Variants in WWOX observed in about 807,000 individuals in gnomAD.
The protein encoded by WWOX is WW domain-containing oxidoreductase.
WWOX carries 69 observed loss-of-function variants against 46.2 expected under a neutral mutation model. The observed-to-expected ratio is 1.49, with a 90% confidence interval of 1.23 to 1.82. The LOEUF is 1.82. WWOX is among the 40% of genes most tolerant of loss of function. The pLI is 0.00. For missense variants in WWOX, 919 were observed against 542.6 expected (o/e 1.69, Z -6.89); for synonymous variants, 359 against 202.6 (o/e 1.77, Z -6.56).
At chr16:78,662,080 G>A (rs1346226034) in intron 8 of WWOX, among the ~76,000 whole-genome samples, 1 of 152,124 alleles carries the variant, frequency 6.6e-6, no homozygotes, top group East Asian at 1.9e-4. Flanking sequence ...AGTAGTGGTG[G>A]TGGTGGTGGT....
intron 8 of WWOX, among the ~76,000 whole-genome samples, chr16:78,494,277 C>T (rs1315668573): frequency 1.3e-5 from 2 of 152,232 alleles, no homozygotes; most frequent in South Asian, 2.1e-4. Context: ...AACAGATTAG[C>T]CCCCTATGCA....
intron 5 of WWOX, among the ~76,000 whole-genome samples, chr16:78,275,320 C>T (rs1470761950): frequency 6.6e-6 from 1 of 152,170 alleles, no homozygotes; most frequent in Non-Finnish European, 1.5e-5. Flanking sequence ...GGGCGCAGCC[C>T]TTGACTCACC....
chr16:78,296,562 A>G (rs2079947003), intron 5 of WWOX, among the ~76,000 whole-genome samples: 1 of 151,630 alleles, frequency 6.6e-6, no homozygotes. Flanking sequence ...TAGTACATGT[A>G]TATCAACTTC....
At chr16:78,631,563 G>A (rs530519739) in intron 8 of WWOX, among the ~76,000 whole-genome samples, 1 of 142,252 alleles carries the variant, frequency 7.0e-6, no homozygotes, top group African/African-American at 2.5e-5. Flanking sequence ...TTTTGAGACA[G>A]GGTCTGGCTC....
chr16:78,978,220 A>T (rs1315692488), intron 8 of WWOX, among the ~76,000 whole-genome samples: 2 of 152,178 alleles, frequency 1.3e-5, no homozygotes, highest in Non-Finnish European at 2.9e-5. Flanking sequence ...TTGATACCAC[A>T]GTTGGTTGAC....
At chr16:78,640,602 C>G (rs1209428225) in intron 8 of WWOX, among the ~76,000 whole-genome samples, 1 of 152,018 alleles carries the variant, frequency 6.6e-6, no homozygotes, top group Non-Finnish European at 1.5e-5. Context: ...TGTAACAAAC[C>G]TACACATCCT....
intron 8 of WWOX, among the ~76,000 whole-genome samples, chr16:79,138,197 G>A (rs1469128863): frequency 6.6e-6 from 1 of 152,168 alleles, no homozygotes; most frequent in East Asian, 1.9e-4. Flanking sequence ...CTTTCCAAAG[G>A]CCAGAAATTG....
chr16:79,176,727 G>A (rs1264075404), intron 8 of WWOX, among the ~76,000 whole-genome samples: 4 of 152,168 alleles, frequency 2.6e-5, no homozygotes, highest in African/African-American at 9.7e-5. Flanking sequence ...AGGGCTTTAA[G>A]GAGGCATAGT....
intron 7 of WWOX, among the ~76,000 whole-genome samples, chr16:78,431,842 A>T (rs2083225237): frequency 6.6e-6 from 1 of 151,908 alleles, no homozygotes; most frequent in South Asian, 2.1e-4. Flanking sequence ...TCAGCCCCCC[A>T]AGTAGCTGGG....
At chr16:78,101,106 G>A (rs1267953061) in intron 1 of WWOX, among the ~76,000 whole-genome samples, 1 of 151,448 alleles carries the variant, frequency 6.6e-6, no homozygotes, top group African/African-American at 2.4e-5. Flanking sequence ...GGAGTGCAGC[G>A]GCGCGATCTC....
In WWOX at chr16:78,689,077, A is replaced by C. The variant is rs12185154; in HGVS notation, c.1056+256325A>C. ...CTGTATAAATTACCCAGGCTTGCAT[A>C]TGTCTTTATTAGTGGCATGAGAACA... On this transcript the variant is annotated intron_variant, in intron 8 of 8. Coordinates refer to ENST00000566780, the MANE Select transcript of WWOX (RefSeq NM_016373.4). 2.0e-5 allele frequency among the ~76,000 whole-genome samples: 3 copies of C among 151,788 alleles called. No homozygotes were observed. In the South Asian group the frequency reaches 6.2e-4, roughly 32 times the overall value.
chr16:79,055,525 C>T (rs1274112869), intron 8 of WWOX, among the ~76,000 whole-genome samples: 2 of 152,116 alleles, frequency 1.3e-5, no homozygotes, highest in Admixed American at 6.6e-5. Flanking sequence ...TGGAAGTCAT[C>T]CCATTTGAGG....
intron 8 of WWOX, among the ~76,000 whole-genome samples, chr16:78,573,180 G>C (rs1410530068): frequency 6.6e-6 from 1 of 152,158 alleles, no homozygotes; most frequent in Non-Finnish European, 1.5e-5. Context: ...CAGCTGCTCA[G>C]GAGGCTGAGG....
intron 8 of WWOX, among the ~76,000 whole-genome samples, chr16:78,781,501 A>G (rs1009131176): frequency 1.4e-4 from 21 of 152,218 alleles, no homozygotes; most frequent in African/African-American, 4.3e-4. Flanking sequence ...ATTACTAGGT[A>G]TAGACATTAT....
chr16:79,094,133 C>T (rs142624647), intron 8 of WWOX, among the ~76,000 whole-genome samples: 88 of 152,318 alleles, frequency 5.8e-4, no homozygotes, highest in African/African-American at 2.1e-3. Flanking sequence ...AAATACAATT[C>T]CTCATTTACA....
intron 8 of WWOX, among the ~76,000 whole-genome samples, chr16:79,026,272 A>C (rs147895349): frequency 6.6e-6 from 1 of 151,314 alleles, no homozygotes; most frequent in Admixed American, 6.6e-5. Flanking sequence ...CCCTCGGTCA[A>C]CTCCTAACTC....
intron 8 of WWOX, among the ~76,000 whole-genome samples, chr16:78,726,087 T>TCCTCCCTC (rs151264242): frequency 7.9e-5 from 9 of 113,238 alleles, no homozygotes; most frequent in Non-Finnish European, 1.1e-4. Context: ...CCCTCCCTCT[T>TCCTCCCTC]CCTCCCTCCC....
At chr16:78,269,075 G>T (rs969539402) in intron 5 of WWOX, 1 of 152,116 alleles carries the variant, frequency 6.6e-6, no homozygotes, top group Non-Finnish European at 1.5e-5. Context: ...GCCCTTTCAG[G>T]CTAGTATGTA....
intron 5 of WWOX, among the ~76,000 whole-genome samples, chr16:78,383,948 C>T (rs2082007736): frequency 6.6e-6 from 1 of 152,116 alleles, no homozygotes; most frequent in Non-Finnish European, 1.5e-5. Context: ...TTGATAGTGG[C>T]AGCTCTGTGC....
Sources: allele counts gnomAD v4.1 joint callset (sites outside exome capture counted in the v4.1 genomes callset), GRCh38; gene constraint gnomAD v4.1.1; transcripts MANE v1.5; gene names NCBI Gene and HGNC (gene_info 2026-07-23, HGNC 2026-07-21).